Variants in SNTB1 observed in about 807,000 individuals in gnomAD.
The protein encoded by SNTB1 is beta-1-syntrophin.
SNTB1 carries 36 observed loss-of-function variants against 48.9 expected under a neutral mutation model. The observed-to-expected ratio is 0.74, with a 90% CI of 0.56 to 0.97. The LOEUF (loss-of-function observed/expected upper bound fraction) is 0.97. Ranked by LOEUF, SNTB1 falls within the 50% of genes least tolerant of loss-of-function variation. SNTB1 has a pLI of 0.00. For missense variants in SNTB1, 786 were observed against 703.4 expected (o/e 1.12, Z -1.33); for synonymous variants, 299 against 294.6 (o/e 1.01, Z -0.15).
chr8:120,587,609 C>T (rs1419097910), intron 3 of SNTB1, among the ~76,000 whole-genome samples: 1 of 152,202 alleles, frequency 6.6e-6, no homozygotes, highest in East Asian at 1.9e-4. Flanking sequence ...CACACCTAGT[C>T]AACTGTGCCT....
At chr8:120,741,796 T>C (rs1819044905) in intron 1 of SNTB1, among the ~76,000 whole-genome samples, 2 of 152,162 alleles carry the variant, frequency 1.3e-5, no homozygotes. Flanking sequence ...ATGCTAAGAA[T>C]AGTTTTTACA....
At position 120,811,730 on chromosome 8, in the gene SNTB1, C is replaced by CA. The variant is rs1361846199; in HGVS notation, c.113dup (p.Val39GlyfsTer180). On this transcript the variant is annotated frameshift_variant, in exon 1 of 7. Transcript: ENST00000517992. LOFTEE classifies it high-confidence loss of function. ...CCAGGGCGTCCTCGCTCAAGTTCAC[C>CA]AGAACTTTGTGCCAGCGATCCCGCA... 3 of 1,563,626 alleles carry CA rather than the reference C, an allele frequency of 1.9e-6. No homozygotes were observed. The East Asian group carries it at 7.6e-5, about 40-fold the overall frequency.
Position 120,548,825 on chromosome 8 carries a change from A to G in SNTB1, c.1270T>C (p.Trp424Arg), listed in dbSNP as rs376545139. ...RAETSRDLSHWTRSIVQGCHN... is the reference protein window; with the variant it reads ...RAETSRDLSHRTRSIVQGCHN... ...CAACCCTGTACTATGCTCCTTGTCC[A>G]GTGGGAGAGGTCCCTGCTGGTCTCT... is the stretch of plus-strand genomic sequence containing the variant. Residue 424 changes from tryptophan to arginine, a missense_variant, in exon 5 of 7, where the codon TGG (tryptophan) becomes CGG (arginine). Physicochemically the swap from Trp to Arg is moderately radical, Grantham distance 101. Transcript: ENST00000517992. The G allele has an allele frequency of 6.2e-7, 1 of 1,614,150 alleles. No individual in the cohort carries two copies. Among genetic ancestry groups the G allele is most frequent in the Non-Finnish European group, 8.5e-7 (1 of 1,180,010 alleles).
In SNTB1 at chr8:120,656,917, A is replaced by G. The variant is rs994165424; in HGVS notation, c.789-24266T>C. On this transcript the variant is annotated intron_variant, in intron 2 of 6. Coordinates refer to ENST00000517992, the MANE Select transcript of SNTB1 (RefSeq NM_021021.4). Reference sequence around the variant, plus strand: ...ACTGACAGGATGTTATGATAGATAAACTGTGAGGTGGCAGGGAAGAGAGAA... The same window carrying G: ...ACTGACAGGATGTTATGATAGATAAGCTGTGAGGTGGCAGGGAAGAGAGAA... Among the ~76,000 whole-genome samples, 35 of 152,322 alleles carry G rather than the reference A, an allele frequency of 2.3e-4. 1 individual carries two copies. The highest frequency in any genetic ancestry group is 7.5e-4 in the African/African-American group (31 of 41,580).
At chr8:120,681,456 T>G (rs1817929431) in intron 2 of SNTB1, among the ~76,000 whole-genome samples, 1 of 152,012 alleles carries the variant, frequency 6.6e-6, no homozygotes, top group South Asian at 2.1e-4. Context: ...CAGATGTGAG[T>G]CCCTTGGCTC....
intron 6 of SNTB1, among the ~76,000 whole-genome samples, chr8:120,541,602 T>C (rs1333961984): frequency 2.0e-5 from 3 of 152,180 alleles, no homozygotes; most frequent in Non-Finnish European, 4.4e-5. Context: ...GACTCAAATA[T>C]TTATGTAGTC....
intron 1 of SNTB1, among the ~76,000 whole-genome samples, chr8:120,712,414 CAAAAAAAAAAA>C (rs370583854): frequency 1.2e-5 from 1 of 81,332 alleles, no homozygotes; most frequent in Admixed American, 1.2e-4. Flanking sequence ...GACTCCATCT[CAAAAAAAAAAA>C]AAAAAAAAGA....
chr8:120,593,243 C>A (rs907137585), intron 3 of SNTB1, among the ~76,000 whole-genome samples: 12 of 152,176 alleles, frequency 7.9e-5, no homozygotes, highest in African/African-American at 2.4e-4. Flanking sequence ...GGCACAGACT[C>A]CCACTGAAGC....
intron 2 of SNTB1, among the ~76,000 whole-genome samples, chr8:120,634,490 CAAA>C (rs1817040799): frequency 6.6e-6 from 1 of 152,136 alleles, no homozygotes; most frequent in African/African-American, 2.4e-5. Context: ...TGCTGGGATT[CAAA>C]CCCATGTTAA....
chr8:120,655,722 A>T (rs1817490854), intron 2 of SNTB1, among the ~76,000 whole-genome samples: 1 of 152,234 alleles, frequency 6.6e-6, no homozygotes, highest in South Asian at 2.1e-4. Context: ...AAAATTTTCC[A>T]AATTACATGT....
At chr8:120,744,952 G>A (rs886150879) in intron 1 of SNTB1, among the ~76,000 whole-genome samples, 2 of 152,126 alleles carry the variant, frequency 1.3e-5, no homozygotes, top group Non-Finnish European at 2.9e-5. Flanking sequence ...TACTCTCCAT[G>A]ACAACTTCTT....
rs186993839 is a variant in SNTB1, at chr8:120,688,238, A to G, written c.788+5454T>C. 2.6e-3 allele frequency among the ~76,000 whole-genome samples: 389 copies of G among 152,352 alleles called. 3 individuals are homozygous for G. Among genetic ancestry groups the G allele is most frequent in the African/African-American group, 8.9e-3 (371 of 41,580 alleles). On this transcript the variant is annotated intron_variant, in intron 2 of 6. Coordinates refer to ENST00000517992, the MANE Select transcript of SNTB1 (RefSeq NM_021021.4). ...TAAAGCCTCATAAACTACCCATTGTAGCACAGCTGCTCACGATCCAGTGAC... is the reference window on the plus strand; with the variant it reads ...TAAAGCCTCATAAACTACCCATTGTGGCACAGCTGCTCACGATCCAGTGAC...
Position 120,632,526 on chromosome 8 carries a change from A to G in SNTB1, c.914T>C (p.Ile305Thr). Reference protein sequence around the residue: ...SNVNDLLTRVIAEVREQLGKT... With the variant: ...SNVNDLLTRVTAEVREQLGKT... ...CCCCAGCTGCTCTCTGACCTCAGCA[A>G]TCACTCGGGTCAGCAGGTCATTAAC... The change falls in exon 3 of 7, where the codon ATT (isoleucine) becomes ACT (threonine). Residue 305 changes from isoleucine (I) to threonine (T), a missense_variant. Coordinates refer to ENST00000517992, the MANE Select transcript of SNTB1 (RefSeq NM_021021.4). 1 of 1,614,150 alleles carries G rather than the reference A, an allele frequency of 6.2e-7. No individual in the cohort carries two copies. Among genetic ancestry groups the G allele is most frequent in the Non-Finnish European group, 8.5e-7 (1 of 1,180,038 alleles).
At chr8:120,606,714 A>T (rs1303541187) in intron 3 of SNTB1, among the ~76,000 whole-genome samples, 1 of 152,210 alleles carries the variant, frequency 6.6e-6, no homozygotes, top group Non-Finnish European at 1.5e-5. Flanking sequence ...GGTGGTGAGA[A>T]TTCAAACATG....
Position 120,811,928 on chromosome 8 carries a change from G to C in SNTB1, c.-85C>G. ...GGCCGGGGGGAGGACGCGGGGCCCG[G>C]GGGAGCGAGGAGAGTGCGTCCCGCG... On this transcript the variant is annotated 5_prime_UTR_variant, in exon 1 of 7. Transcript: ENST00000517992. The C allele has an allele frequency of 7.8e-7, 1 of 1,284,324 alleles. No individual in the cohort carries two copies. Among genetic ancestry groups the C allele is most frequent in the Non-Finnish European group, 9.8e-7 (1 of 1,020,340 alleles). The allele number at this position is 1,284,324 out of a possible 1,614,324, so 79.6% of individuals were successfully genotyped here.
intron 3 of SNTB1, among the ~76,000 whole-genome samples, chr8:120,614,915 T>G (rs1452758714): frequency 1.5e-5 from 2 of 137,674 alleles, no homozygotes; most frequent in Non-Finnish European, 1.5e-5. Flanking sequence ...CTGAGGCAGG[T>G]GGATCACGAG....
At chr8:120,715,379 C>T (rs1293018795) in intron 1 of SNTB1, among the ~76,000 whole-genome samples, 1 of 152,134 alleles carries the variant, frequency 6.6e-6, no homozygotes, top group Non-Finnish European at 1.5e-5. Context: ...TTATACAATG[C>T]TCAGGTTTCT....
At chr8:120,809,162 T>C (rs1019546946) in intron 1 of SNTB1, among the ~76,000 whole-genome samples, 1 of 152,242 alleles carries the variant, frequency 6.6e-6, no homozygotes. Flanking sequence ...TGGTATTTGA[T>C]GACTACCATT....
Position 120,641,214 on chromosome 8 carries a change from G to A in SNTB1, c.789-8563C>T, listed in dbSNP as rs564355091. ...CACTGTTCAGTAAAGTTGCATAGCA[G>A]AACACAAACTAGGATTCTCAAAAGC... On this transcript the variant is annotated intron_variant, in intron 2 of 6. Coordinates refer to ENST00000517992, the MANE Select transcript of SNTB1 (RefSeq NM_021021.4). Among the ~76,000 whole-genome samples, 9 of 152,284 alleles carry A rather than the reference G, an allele frequency of 5.9e-5. No homozygotes were observed. The South Asian group carries it at 1.9e-3, about 32-fold the overall frequency.
Sources: allele counts gnomAD v4.1 joint callset (sites outside exome capture counted in the v4.1 genomes callset), GRCh38; gene constraint gnomAD v4.1.1; transcripts MANE v1.5; gene names NCBI Gene and HGNC (gene_info 2026-07-23, HGNC 2026-07-21).